The following CFAP92 variants were observed in gnomAD, a reference collection of about 807,000 sequenced individuals.
The protein encoded by CFAP92 is cilia and flagella associated protein 92 (putative).
A neutral mutation model predicts 106.3 loss-of-function variants in CFAP92; 86 were observed. That is an observed-to-expected ratio of 0.81 (90% CI 0.68 to 0.97). The LOEUF (loss-of-function observed/expected upper bound fraction) is 0.97. CFAP92 is among the 50% of genes least tolerant of loss of function. CFAP92 has a pLI of 0.00. For synonymous variants in CFAP92, 477 were observed against 506.4 expected (o/e 0.94, Z 0.78); for missense variants, 1,204 against 1,283.8 (o/e 0.94, Z 0.95).
chr3:128,987,060 C>T (rs1943900116), intron 4 of CFAP92, among the ~76,000 whole-genome samples: 1 of 152,186 alleles, frequency 6.6e-6, no homozygotes, highest in Non-Finnish European at 1.5e-5. Context: ...GCTCAGGAGG[C>T]TGAGGCAGGA....
intron 4 of CFAP92, among the ~76,000 whole-genome samples, chr3:128,980,937 T>G (rs912028851): frequency 2.0e-5 from 3 of 152,102 alleles, no homozygotes; most frequent in African/African-American, 7.2e-5. Flanking sequence ...ATCCACTTCT[T>G]CCAAACTCCT....
chr3:129,015,434 C>T, the CFAP92 span, among the ~76,000 whole-genome samples: 2 of 151,742 alleles, frequency 1.3e-5, no homozygotes, highest in South Asian at 2.1e-4. Flanking sequence ...GGGGAGGTTG[C>T]GGGGTAAGCT....
the CFAP92 span, among the ~76,000 whole-genome samples, chr3:129,021,424 A>G: frequency 6.6e-6 from 1 of 152,192 alleles, no homozygotes; most frequent in East Asian, 1.9e-4. Flanking sequence ...CATGGTGCTT[A>G]AGCTGCTGGC....
the CFAP92 span, among the ~76,000 whole-genome samples, chr3:129,023,822 A>G: frequency 6.6e-6 from 1 of 152,214 alleles, no homozygotes; most frequent in African/African-American, 2.4e-5. Context: ...TCTGAGGTGC[A>G]CAGAGGGCTT....
chr3:128,931,444 T>G (rs1284044824), intron 12 of CFAP92, among the ~76,000 whole-genome samples: 1 of 141,536 alleles, frequency 7.1e-6, no homozygotes, highest in Non-Finnish European at 1.5e-5. Flanking sequence ...ATGAGATATA[T>G]ATATGTGTGT....
Position 128,953,630 on chromosome 3 carries a change from CGTCTCCCTCTCCCCACG to C in CFAP92, c.1354-7672_1354-7656del, listed in dbSNP as rs1479451995. Among the ~76,000 whole-genome samples the C allele has an allele frequency of 3.9e-5, 5 of 129,588 alleles. 1 individual carries two copies. Among genetic ancestry groups the C allele is most frequent in the African/African-American group, 1.1e-4 (3 of 28,458 alleles). 85.0% of individuals were successfully genotyped at this position (129,588 alleles called of 152,430 possible). On this transcript the variant is annotated intron_variant, in intron 9 of 15. Coordinates refer to ENST00000645291, the MANE Select transcript of CFAP92 (RefSeq NM_001394090.1). ...CTCCCTCTCCCTCTCCCTCCCTCTC[CGTCTCCCTCTCCCCACG>C]GTCTCCCTCTCATGCGGAGCCGAAG...
intron 10 of CFAP92, among the ~76,000 whole-genome samples, chr3:128,943,355 G>A (rs1418919606): frequency 2.0e-5 from 3 of 147,108 alleles, no homozygotes; most frequent in Admixed American, 6.7e-5. Flanking sequence ...GTGGCTCCCC[G>A]CTTCTCTCTT....
At chr3:128,914,419 G>T (rs1936641008) in intron 15 of CFAP92, among the ~76,000 whole-genome samples, 1 of 152,206 alleles carries the variant, frequency 6.6e-6, no homozygotes, top group South Asian at 2.1e-4. Context: ...GCACTTCCAT[G>T]GAGCTGTGAT....
At chr3:129,005,255 C>T (rs1210344803), upstream of CFAP92, among the ~76,000 whole-genome samples, 1 of 152,226 alleles carries the variant, frequency 6.6e-6, no homozygotes, top group East Asian at 1.9e-4. Flanking sequence ...CACTCATCAG[C>T]CTGCCCCCAA....
chr3:128,971,663 C>T (rs112708907), intron 7 of CFAP92, among the ~76,000 whole-genome samples: 8 of 152,298 alleles, frequency 5.3e-5, no homozygotes, highest in South Asian at 2.1e-4. Context: ...TCTCATTCCC[C>T]GCCTCTGCTA....
chr3:128,996,722 C>T (rs995310317), upstream of CFAP92, among the ~76,000 whole-genome samples: 13 of 152,248 alleles, frequency 8.5e-5, no homozygotes, highest in Admixed American at 3.9e-4. Context: ...CTGCTGGCCT[C>T]GCCTGGGCTC....
At chr3:129,026,366 A>C in the CFAP92 span, among the ~76,000 whole-genome samples, 25 of 151,976 alleles carry the variant, frequency 1.6e-4, no homozygotes, top group East Asian at 3.8e-4. Context: ...GGAATAGAAG[A>C]AGCAGCAGCA....
At chr3:129,001,854 C>A (rs1187748863) in intron 1 of CFAP92, 1 of 1,546,198 alleles carries the variant, frequency 6.5e-7, no homozygotes, top group Non-Finnish European at 8.7e-7. Context: ...CCGTCTGCCC[C>A]GCGCCGACTT....
chr3:128,914,041 C>T (rs938069833), intron 15 of CFAP92, among the ~76,000 whole-genome samples: 1 of 152,152 alleles, frequency 6.6e-6, no homozygotes, highest in Non-Finnish European at 1.5e-5. Flanking sequence ...AAAGGCCTAG[C>T]GACCAGTTCA....
At chr3:129,020,196 A>C in the CFAP92 span, among the ~76,000 whole-genome samples, 1 of 152,180 alleles carries the variant, frequency 6.6e-6, no homozygotes, top group Admixed American at 6.5e-5. Flanking sequence ...TAAAATGAGA[A>C]ACAGAAAAGG....
At chr3:128,939,976 G>T (rs757827998) in intron 10 of CFAP92, among the ~76,000 whole-genome samples, 1 of 152,218 alleles carries the variant, frequency 6.6e-6, no homozygotes, top group Admixed American at 6.5e-5. Context: ...CATGGCCTAG[G>T]GGTTGGAGAC....
intron 9 of CFAP92, among the ~76,000 whole-genome samples, chr3:128,959,114 G>A (rs1172909262): frequency 6.6e-6 from 1 of 152,136 alleles, no homozygotes; most frequent in Non-Finnish European, 1.5e-5. Flanking sequence ...GGAGGCTGAG[G>A]CAGAAGAATC....
At chr3:128,952,920 T>G (rs879605375) in intron 9 of CFAP92, among the ~76,000 whole-genome samples, 1 of 151,866 alleles carries the variant, frequency 6.6e-6, no homozygotes, top group East Asian at 1.9e-4. Context: ...CCATATCTAC[T>G]AAAAATACAA....
intron 1 of CFAP92, chr3:129,002,548 C>A: frequency 1.1e-6 from 1 of 888,680 alleles, no homozygotes; most frequent in Non-Finnish European, 1.6e-6. Context: ...TTCCTGAAAA[C>A]CCCAATCACA....
Sources: allele counts gnomAD v4.1 joint callset (sites outside exome capture counted in the v4.1 genomes callset), GRCh38; gene constraint gnomAD v4.1.1; transcripts MANE v1.5; gene names NCBI Gene and HGNC (gene_info 2026-07-23, HGNC 2026-07-21).